The following ADD2 variants were observed in gnomAD, a reference collection of about 807,000 sequenced individuals.
The protein encoded by ADD2 is adducin 2, also known as beta-adducin.
ADD2 carries 23 observed loss-of-function variants against 83.0 expected under a neutral mutation model. The ratio of observed to expected loss-of-function variants is 0.28; its 90% CI spans 0.20 to 0.39. The LOEUF (loss-of-function observed/expected upper bound fraction) is 0.39, where lower values mean the gene tolerates loss of function less well. ADD2 is among the 10% of genes least tolerant of loss of function. The pLI, the probability that ADD2 is intolerant of heterozygous loss-of-function variation, is 1.00. For missense variants in ADD2, 758 were observed against 944.9 expected (o/e 0.80, Z 2.59); for synonymous variants, 375 against 375.4 (o/e 1.00, Z 0.01).
At position 70,678,922 on chromosome 2, in the gene ADD2, G is replaced by C. The variant is rs1553369012; in HGVS notation, c.1165C>G (p.Gln389Glu). ...TGYTYRHPFV[Q>E]EKTKHKSEVE... Reference sequence around the variant, plus strand: ...TCACTTTTGTGTTTGGTTTTCTCTTGAACAAAGGGGTGGCGATACGTGTAA... The same window carrying C: ...TCACTTTTGTGTTTGGTTTTCTCTTCAACAAAGGGGTGGCGATACGTGTAA... Residue 389 changes from glutamine to glutamate, a missense_variant, in exon 11 of 16, where the codon CAA becomes GAA. Around this residue, in one of 5 missense-constraint regions of ADD2, gnomAD observed 394 missense variants for 509.3 expected, o/e 0.77. Coordinates refer to ENST00000264436, the MANE Select transcript of ADD2 (RefSeq NM_001617.4). 1 of 1,614,068 alleles carries C rather than the reference G, an allele frequency of 6.2e-7. No individual in the cohort carries two copies. The highest frequency in any genetic ancestry group is 1.3e-5 in the African/African-American group (1 of 75,044).
At chr2:70,677,369 C>T (rs1670213852) in intron 12 of ADD2, among the ~76,000 whole-genome samples, 1 of 152,128 alleles carries the variant, frequency 6.6e-6, no homozygotes, top group African/African-American at 2.4e-5. Flanking sequence ...GTGCCTGCTA[C>T]AACTGCAGTT....
chr2:70,664,700 A>C (rs1219699404), intron 15 of ADD2, among the ~76,000 whole-genome samples: 1 of 151,934 alleles, frequency 6.6e-6, no homozygotes, highest in Non-Finnish European at 1.5e-5. Flanking sequence ...TGTGTGGGTG[A>C]GCACGTGTGA....
At chr2:70,697,858 A>G (rs1318844523) in intron 4 of ADD2, among the ~76,000 whole-genome samples, 7 of 152,150 alleles carry the variant, frequency 4.6e-5, no homozygotes, top group African/African-American at 1.7e-4. Flanking sequence ...GCCTTGAATC[A>G]CCCATGTCAG....
chr2:70,758,723 C>T (rs1674928354), intron 1 of ADD2, among the ~76,000 whole-genome samples: 1 of 151,998 alleles, frequency 6.6e-6, no homozygotes, highest in Admixed American at 6.6e-5. Context: ...TTGCTTGAGC[C>T]CAGGAGGTTA....
intron 15 of ADD2, among the ~76,000 whole-genome samples, chr2:70,664,403 G>A (rs782803729): frequency 3.9e-5 from 6 of 152,192 alleles, no homozygotes; most frequent in Admixed American, 6.5e-5. Context: ...TTCAAGGCCA[G>A]AGTTACTCAG....
chr2:70,696,173 T>C (rs1671298449), intron 5 of ADD2, 72 bp downstream of exon 5: 1 of 1,550,344 alleles, frequency 6.5e-7, no homozygotes, highest in African/African-American at 1.4e-5. Context: ...ATGCCAAGGG[T>C]CAGGAGTTCT....
chr2:70,721,592 C>G (rs1264329599), intron 1 of ADD2, among the ~76,000 whole-genome samples: 1 of 152,182 alleles, frequency 6.6e-6, no homozygotes, highest in Non-Finnish European at 1.5e-5. Context: ...TAAGATACAA[C>G]CTTCAGGGAA....
chr2:70,731,180 C>A (rs781982863), intron 1 of ADD2, among the ~76,000 whole-genome samples: 4 of 152,018 alleles, frequency 2.6e-5, no homozygotes, highest in Non-Finnish European at 5.9e-5. Flanking sequence ...GCCCTGGACA[C>A]CTGGGCAAGT....
At chr2:70,667,316 C>A (rs1395519351) in intron 15 of ADD2, among the ~76,000 whole-genome samples, 1 of 151,952 alleles carries the variant, frequency 6.6e-6, no homozygotes, top group African/African-American at 2.4e-5. Context: ...GTGACGGGAA[C>A]GAGACTGGAC....
intron 9 of ADD2, among the ~76,000 whole-genome samples, chr2:70,687,653 G>T (rs1670808713): frequency 6.6e-6 from 1 of 152,018 alleles, no homozygotes; most frequent in African/African-American, 2.4e-5. Flanking sequence ...TGTGTCTGTT[G>T]GGCATAGGTG....
At chr2:70,674,233 G>T (rs545467589) in intron 14 of ADD2, among the ~76,000 whole-genome samples, 20 of 152,284 alleles carry the variant, frequency 1.3e-4, no homozygotes, top group Admixed American at 2.0e-4. Context: ...GAATATTTGG[G>T]AGTCAACACA....
intron 1 of ADD2, among the ~76,000 whole-genome samples, chr2:70,731,637 C>T (rs1673287976): frequency 6.6e-6 from 1 of 152,188 alleles, no homozygotes; most frequent in African/African-American, 2.4e-5. Flanking sequence ...GAGGACACCT[C>T]AAGACCCTTC....
intron 15 of ADD2, among the ~76,000 whole-genome samples, chr2:70,670,928 G>A (rs1048480781): frequency 1.5e-4 from 23 of 152,208 alleles, no homozygotes; most frequent in Non-Finnish European, 4.4e-5. Context: ...CAACTCAACC[G>A]TGGGCCCCTC....
intron 4 of ADD2, among the ~76,000 whole-genome samples, chr2:70,697,699 C>A (rs1574257585): frequency 6.6e-6 from 1 of 152,062 alleles, no homozygotes; most frequent in African/African-American, 2.4e-5. Context: ...ATCGAGTGTG[C>A]CATTAGTGGA....
At chr2:70,672,562 C>G (rs377087925) in intron 15 of ADD2, among the ~76,000 whole-genome samples, 24 of 152,300 alleles carry the variant, frequency 1.6e-4, no homozygotes, top group Non-Finnish European at 1.6e-4. Flanking sequence ...TACCTATACA[C>G]GTTAAGGTCT....
At chr2:70,666,651 G>A (rs971496199) in intron 15 of ADD2, among the ~76,000 whole-genome samples, 3 of 152,196 alleles carry the variant, frequency 2.0e-5, no homozygotes, top group Admixed American at 6.5e-5. Flanking sequence ...GTGGCAATGA[G>A]TATCTTCACT....
rs782457735 is a variant in ADD2, at chr2:70,674,828, G to A, written c.1594-3C>T. 1.9e-6 allele frequency: 3 copies of A among 1,612,938 alleles called. No homozygotes were observed. Among genetic ancestry groups the A allele is most frequent in the Non-Finnish European group, 2.5e-6 (3 of 1,179,520 alleles). On this transcript the variant is annotated splice_region_variant and splice_polypyrimidine_tract_variant and intron_variant, in intron 13 of 15. Coordinates refer to ENST00000264436, the MANE Select transcript of ADD2 (RefSeq NM_001617.4). ...GACATCAGCTGGCTCTCTGTAGACT[G>A]AAAGTTAACCACAGAGGGTGTGTCG...
Position 70,663,366 on chromosome 2 carries a change from T to C in ADD2, c.*59A>G. 1.3e-6 allele frequency: 2 copies of C among 1,518,494 alleles called. No individual in the cohort carries two copies. The highest frequency in any genetic ancestry group is 1.8e-6 in the Non-Finnish European group (2 of 1,112,884). 94.1% of individuals were successfully genotyped at this position (1,518,494 alleles called of 1,614,324 possible). On this transcript the variant is annotated 3_prime_UTR_variant, in exon 16 of 16. Transcript: ENST00000264436. ...AGCCCTGTGCTTGCAGGGACAGAGATGGGAGAAGGGAAGGGGAGGAGAGAG... is the reference window on the plus strand; with the variant it reads ...AGCCCTGTGCTTGCAGGGACAGAGACGGGAGAAGGGAAGGGGAGGAGAGAG...
rs115478050 is a variant in ADD2, at chr2:70,697,761, G to A, written c.323-1365C>T. On this transcript the variant is annotated intron_variant, in intron 4 of 15. Transcript: ENST00000264436. Reference sequence around the variant, plus strand: ...GGGCGGACGATGTATGTCCTGCATCGAGTGTGCCATTAGTGGAAGTGATGA... The same window carrying A: ...GGGCGGACGATGTATGTCCTGCATCAAGTGTGCCATTAGTGGAAGTGATGA... Among the ~76,000 whole-genome samples the A allele has an allele frequency of 3.5e-3, 540 of 152,246 alleles. 2 individuals carry two copies. The highest frequency in any genetic ancestry group is 0.012 in the African/African-American group (516 of 41,552).
Sources: allele counts gnomAD v4.1 joint callset (sites outside exome capture counted in the v4.1 genomes callset), GRCh38; gene constraint gnomAD v4.1.1; regional missense constraint gnomAD v4.1.1; transcripts MANE v1.5; gene names NCBI Gene and HGNC (gene_info 2026-07-23, HGNC 2026-07-21).